The following CSAD variants were observed in gnomAD, a reference collection of about 807,000 sequenced individuals.
CSAD encodes P-selectin cytoplasmic tail-associated protein.
In CSAD, 47 loss-of-function variants were observed where a neutral mutation model predicts 61.5. The observed-to-expected ratio is 0.76, with a 90% CI of 0.60 to 0.97. The LOEUF is 0.97. Among genes scored for constraint, CSAD ranks in the 50% least tolerant of loss-of-function variants. The pLI is 0.00. For missense variants in CSAD, 611 were observed against 643.6 expected (o/e 0.95, Z 0.55); for synonymous variants, 245 against 252.7 (o/e 0.97, Z 0.29).
At chr12:53,176,311 G>A (rs1941100961) in intron 2 of CSAD, among the ~76,000 whole-genome samples, 1 of 152,122 alleles carries the variant, frequency 6.6e-6, no homozygotes, top group Non-Finnish European at 1.5e-5. Flanking sequence ...TTGGGAGGCT[G>A]AGGCAGAAGA....
intron 10 of CSAD, among the ~76,000 whole-genome samples, chr12:53,162,723 G>C (rs781740081): frequency 1.1e-4 from 17 of 151,884 alleles, no homozygotes; most frequent in Admixed American, 2.0e-4. Context: ...AGGAGTTCAA[G>C]ACCAGCCTGG....
intron 10 of CSAD, chr12:53,164,460 C>G (rs2121441197): frequency 5.8e-6 from 1 of 173,850 alleles, no homozygotes; most frequent in South Asian, 1.2e-4. Flanking sequence ...AGGCCAGTAT[C>G]CTAAGTGAGT....
chr12:53,158,877 G>T (rs3782151), intron 16 of CSAD, among the ~76,000 whole-genome samples, 193 bp from the exon 17 acceptor site: 53,273 of 151,882 alleles, frequency 0.35, 11,491 homozygotes, highest in African/African-American at 0.62. Flanking sequence ...CTTGGCCTTC[G>T]CTATCTTCTG....
chr12:53,173,745 C>T lies in CSAD; in HGVS notation c.-24G>A. ...AAGCTTACCTCTCTGCTCAGGAGAGCCGGAGGCAGGGTGCACAGGTAGCTC... is the reference window on the plus strand; with the variant it reads ...AAGCTTACCTCTCTGCTCAGGAGAGTCGGAGGCAGGGTGCACAGGTAGCTC... On this transcript the variant is annotated 5_prime_UTR_variant, in exon 3 of 17. Coordinates refer to ENST00000444623, the MANE Select transcript of CSAD (RefSeq NM_001244705.2). 10 of 1,612,470 alleles carry T rather than the reference C, an allele frequency of 6.2e-6. No homozygotes were observed. Among genetic ancestry groups the T allele is most frequent in the Non-Finnish European group, 8.5e-6 (10 of 1,178,708 alleles).
Position 53,164,841 on chromosome 12 carries a change from G to C in CSAD, c.703-3452C>G, listed in dbSNP as rs568912330. ...ATATATGAAGAACTCTTACAACTCA[G>C]TAATAAAAAGACAACATAATTTTTT... On this transcript the variant is annotated intron_variant, in intron 10 of 16. Transcript: ENST00000444623. The C allele has an allele frequency of 5.3e-5, 8 of 152,254 alleles. No homozygotes were observed. The East Asian group carries it at 1.2e-3, about 22-fold the overall frequency. 9.4% of individuals were successfully genotyped at this position (152,254 alleles called of 1,614,324 possible).
Position 53,180,914 on chromosome 12 carries a change from C to T in CSAD, c.-273G>A. The T allele has an allele frequency of 9.1e-7, 1 of 1,093,810 alleles. No homozygotes were observed. Among genetic ancestry groups the T allele is most frequent in the Non-Finnish European group, 1.1e-6 (1 of 885,078 alleles). The allele number at this position is 1,093,810 out of a possible 1,614,324, so 67.8% of individuals were successfully genotyped here. Reference sequence around the variant, plus strand: ...TCAGTAGCTCGCAAGCCGTGGGGTGCCGCGCGGGAAGGGGGAGGGGAGGGG... The same window carrying T: ...TCAGTAGCTCGCAAGCCGTGGGGTGTCGCGCGGGAAGGGGGAGGGGAGGGG... On this transcript the variant is annotated 5_prime_UTR_variant, in exon 1 of 17. Transcript: ENST00000444623.
intron 10 of CSAD, 147 bp from the exon 11 acceptor site, chr12:53,161,536 G>A (rs1565650398): frequency 1.6e-6 from 1 of 634,818 alleles, no homozygotes; most frequent in East Asian, 2.7e-5. Flanking sequence ...TTTTTAATGT[G>A]CAGCCAGGGA....
rs748230397 is a variant in CSAD at position 53,159,638 on chromosome 12, G to A, written c.1293C>T (p.His431=). ...LRGKQESPDY[H]ERLSKVAPVL... is the part of the protein sequence containing the mutation. Reference sequence around the variant, plus strand: ...GCACGCCTACCTTTGACAGCCTTTCGTGGTAATCTGGACTCTCCTGCTTCC... The same window carrying A: ...GCACGCCTACCTTTGACAGCCTTTCATGGTAATCTGGACTCTCCTGCTTCC... The change falls in exon 16 of 17, where the codon CAC becomes CAT. Residue 431 remains histidine, a synonymous_variant. Transcript: ENST00000444623. 4.3e-6 allele frequency: 7 copies of A among 1,611,034 alleles called. No individual in the cohort carries two copies. The African/African-American group carries it at 6.7e-5, about 15-fold the overall frequency.
intron 1 of CSAD, chr12:53,180,497 GGCCA>G (rs2121526255): frequency 8.0e-7 from 1 of 1,243,434 alleles, no homozygotes; most frequent in East Asian, 6.6e-5. Flanking sequence ...GGCGCGCCCC[GGCCA>G]CGGCGCACGC....
At chr12:53,167,022 A>G (rs1343606824) in intron 10 of CSAD, among the ~76,000 whole-genome samples, 1 of 152,156 alleles carries the variant, frequency 6.6e-6, no homozygotes, top group Admixed American at 6.5e-5. Context: ...ATGTAGAGCT[A>G]TACCTGCTCA....
chr12:53,164,286 A>G (rs1017953987), intron 10 of CSAD: 3 of 161,470 alleles, frequency 1.9e-5, no homozygotes, highest in Middle Eastern at 5.0e-4. Context: ...AAAGGACACT[A>G]TCAAAAAAGT....
chr12:53,171,526 G>T, intron 7 of CSAD, 85 bp from the exon 8 acceptor site: 2 of 1,335,026 alleles, frequency 1.5e-6, no homozygotes, highest in Non-Finnish European at 2.1e-6. Flanking sequence ...TACCAGAAGA[G>T]CTCATCAAAG....
upstream of CSAD, chr12:53,181,297 C>T (rs565819936): frequency 3.0e-6 from 3 of 985,330 alleles, no homozygotes; most frequent in South Asian, 9.4e-5. Flanking sequence ...CCGAAGCACC[C>T]AGCGATGGCC....
At chr12:53,166,369 C>A (rs532742757) in intron 10 of CSAD, 2 of 152,930 alleles carry the variant, frequency 1.3e-5, no homozygotes, top group Non-Finnish European at 2.9e-5. Flanking sequence ...AGACAAATAC[C>A]GTGTGATTCC....
intron 10 of CSAD, among the ~76,000 whole-genome samples, chr12:53,169,104 C>T (rs1262965320): frequency 2.0e-5 from 3 of 151,552 alleles, no homozygotes; most frequent in Non-Finnish European, 4.4e-5. Context: ...CACTCGAACC[C>T]GGGAGGTGGA....
intron 13 of CSAD, 60 bp from the exon 14 acceptor site, chr12:53,160,379 G>A (rs1206629385): frequency 6.5e-7 from 1 of 1,532,214 alleles, no homozygotes; most frequent in East Asian, 2.3e-5. Context: ...TTCCTCCAGG[G>A]CTGCACTGTG....
At chr12:53,172,743 C>A (rs978348844) in intron 4 of CSAD, 95 bp from the exon 5 acceptor site, 80 of 1,334,440 alleles carry the variant, frequency 6.0e-5, no homozygotes, top group Non-Finnish European at 7.9e-5. Flanking sequence ...CCAACCTGCA[C>A]TAAAAACAAC....
chr12:53,169,484 A>G (rs528651838), intron 10 of CSAD, among the ~76,000 whole-genome samples: 1 of 151,408 alleles, frequency 6.6e-6, no homozygotes, highest in African/African-American at 2.4e-5. Context: ...CATCTCAAAA[A>G]AAAAAAAAAA....
intron 10 of CSAD, among the ~76,000 whole-genome samples, chr12:53,163,205 A>G (rs1939517358): frequency 6.6e-6 from 1 of 152,148 alleles, no homozygotes; most frequent in East Asian, 1.9e-4. Flanking sequence ...ACTGCTCTAC[A>G]GCCTGGTCAA....
Sources: gnomAD v4.1 joint callset for allele counts (sites outside exome capture counted in the v4.1 genomes callset) on GRCh38, gnomAD v4.1.1 for gene constraint, MANE v1.5 for transcripts, NCBI Gene and HGNC (gene_info 2026-07-23, HGNC 2026-07-21) for gene names.